INPP4B: variants seen among roughly 807,000 people sequenced by gnomAD.
The protein encoded by INPP4B is inositol polyphosphate 4-phosphatase type II.
Under a neutral mutation model 122.5 loss-of-function variants are expected in INPP4B, and 55 were observed. The observed-to-expected ratio is 0.45, with a 90% confidence interval of 0.36 to 0.56. The LOEUF (loss-of-function observed/expected upper bound fraction) is 0.56. Among genes scored for constraint, INPP4B ranks in the 20% least tolerant of loss-of-function variants. INPP4B has a pLI of 0.00. For synonymous variants in INPP4B, 403 were observed against 388.7 expected, an observed-to-expected ratio of 1.04 and a Z score of -0.43; for missense variants, 1,000 against 1,097.7, an observed-to-expected ratio of 0.91 and a Z score of 1.26.
chr4:142,577,348 G>A (rs1230388573), intron 2 of INPP4B, among the ~76,000 whole-genome samples: 1 of 151,960 alleles, frequency 6.6e-6, no homozygotes, highest in Non-Finnish European at 1.5e-5. Context: ...ATTAGGAAGA[G>A]ATACTCAGTA....
At chr4:142,115,623 T>C (rs1578955097) in intron 21 of INPP4B, among the ~76,000 whole-genome samples, 1 of 152,140 alleles carries the variant, frequency 6.6e-6, no homozygotes, top group African/African-American at 2.4e-5. Flanking sequence ...AGAGATTTTG[T>C]CACCACCAGG....
intron 2 of INPP4B, among the ~76,000 whole-genome samples, chr4:142,668,730 T>C (rs1356570347): frequency 1.3e-5 from 2 of 152,066 alleles, no homozygotes; most frequent in Admixed American, 6.6e-5. Context: ...AGAAATCAAT[T>C]GTATTTATAA....
At chr4:142,428,608 T>C (rs770707007) in intron 5 of INPP4B, among the ~76,000 whole-genome samples, 33 of 152,022 alleles carry the variant, frequency 2.2e-4, no homozygotes, top group Non-Finnish European at 3.8e-4. Context: ...ATGCACACTT[T>C]TAATTCATCC....
At chr4:142,067,024 C>T (rs1430724159) in intron 25 of INPP4B, among the ~76,000 whole-genome samples, 2 of 152,198 alleles carry the variant, frequency 1.3e-5, no homozygotes, top group Non-Finnish European at 1.5e-5. Context: ...AGACTGCCTC[C>T]TCTAGTGGGT....
intron 1 of INPP4B, among the ~76,000 whole-genome samples, chr4:142,738,367 C>A (rs1239306009): frequency 1.3e-5 from 2 of 152,004 alleles, no homozygotes; most frequent in Admixed American, 6.6e-5. Flanking sequence ...GGACAAAAAA[C>A]CAAACACCGC....
At chr4:142,822,312 C>T (rs2151156778) in intron 1 of INPP4B, among the ~76,000 whole-genome samples, 1 of 152,304 alleles carries the variant, frequency 6.6e-6, no homozygotes, top group African/African-American at 2.4e-5. Flanking sequence ...ACTCCCATTT[C>T]ACAGATGAGG....
intron 2 of INPP4B, among the ~76,000 whole-genome samples, chr4:142,652,176 C>T (rs1287574819): frequency 3.3e-5 from 5 of 152,164 alleles, no homozygotes; most frequent in African/African-American, 1.2e-4. Context: ...GACAGCCCTT[C>T]ATGCTAAAAA....
At position 142,260,578 on chromosome 4, in the gene INPP4B, TAA is replaced by T. The variant is rs370828434; in HGVS notation, c.616-16_616-15del. ...TACCAGGGCACACTAGGAAAAAATG[TAA>T]AAAAAAAAAAAAAATTTTGAGAACA... On this transcript the variant is annotated splice_polypyrimidine_tract_variant and intron_variant, in intron 10 of 25. Transcript: ENST00000262992. 6.1e-4 allele frequency: 655 copies of T among 1,081,852 alleles called. No homozygotes were observed. The highest frequency in any genetic ancestry group is 1.4e-3 in the Middle Eastern group (6 of 4,152). 67.0% of individuals were successfully genotyped at this position (1,081,852 alleles called of 1,614,324 possible).
At chr4:142,419,636 G>A (rs1806449387) in intron 5 of INPP4B, among the ~76,000 whole-genome samples, 1 of 152,104 alleles carries the variant, frequency 6.6e-6, no homozygotes, top group African/African-American at 2.4e-5. Flanking sequence ...CATTGCCTTT[G>A]CCAACTACAA....
chr4:142,270,129 G>A lies in INPP4B; in HGVS notation c.615+534C>T, dbSNP rs147030638. 1.9e-4 allele frequency among the ~76,000 whole-genome samples: 29 copies of A among 152,232 alleles called. 1 individual carries two copies. In the East Asian group the frequency reaches 3.7e-3, roughly 19 times the overall value. Reference sequence around the variant, plus strand: ...GTTTCAGGAAGCAGCTTCTCCTTCCGTTGCCATTGTCCCTCCTCCAGAGCT... The same window carrying A: ...GTTTCAGGAAGCAGCTTCTCCTTCCATTGCCATTGTCCCTCCTCCAGAGCT... On this transcript the variant is annotated intron_variant, in intron 10 of 25. Coordinates refer to ENST00000262992, the MANE Select transcript of INPP4B (RefSeq NM_001101669.3).
At chr4:142,264,318 C>T (rs141481637) in intron 10 of INPP4B, among the ~76,000 whole-genome samples, 3 of 152,182 alleles carry the variant, frequency 2.0e-5, no homozygotes, top group African/African-American at 4.8e-5. Flanking sequence ...AAGGTGCAGT[C>T]AACAGGATTT....
intron 15 of INPP4B, among the ~76,000 whole-genome samples, chr4:142,185,337 T>G (rs978979430): frequency 6.6e-6 from 1 of 151,784 alleles, no homozygotes; most frequent in African/African-American, 2.4e-5. Flanking sequence ...ATGGAAGATA[T>G]GAGTAAAGTG....
chr4:142,603,371 C>T (rs778972973), intron 2 of INPP4B, among the ~76,000 whole-genome samples: 1 of 151,612 alleles, frequency 6.6e-6, no homozygotes, highest in East Asian at 1.9e-4. Flanking sequence ...TGCACATATA[C>T]CCCAAACTTA....
intron 1 of INPP4B, among the ~76,000 whole-genome samples, chr4:142,779,387 AT>A (rs1257079553): frequency 6.6e-6 from 1 of 152,130 alleles, no homozygotes; most frequent in Non-Finnish European, 1.5e-5. Flanking sequence ...CCTTCACATG[AT>A]TTGGAGTTTA....
intron 21 of INPP4B, among the ~76,000 whole-genome samples, chr4:142,117,914 T>C (rs1578965766): frequency 6.6e-6 from 1 of 152,014 alleles, no homozygotes. Flanking sequence ...AGCCCAAAAT[T>C]TCCTTAAGCT....
At chr4:142,358,822 T>TA (rs1356202120) in intron 7 of INPP4B, among the ~76,000 whole-genome samples, 2 of 151,924 alleles carry the variant, frequency 1.3e-5, no homozygotes, top group African/African-American at 2.4e-5. Flanking sequence ...TGGGAAGCTG[T>TA]ATGCTTAACA....
At chr4:142,459,040 G>A (rs1057363378) in intron 3 of INPP4B, among the ~76,000 whole-genome samples, 10 of 152,318 alleles carry the variant, frequency 6.6e-5, no homozygotes, top group Non-Finnish European at 1.0e-4. Context: ...TCATATGGCT[G>A]CAGCCTGGTG....
intron 11 of INPP4B, among the ~76,000 whole-genome samples, chr4:142,244,403 C>A (rs1726804196): frequency 6.7e-6 from 1 of 148,998 alleles, no homozygotes; most frequent in Non-Finnish European, 1.5e-5. Context: ...AGGTTCACGT[C>A]ATTCTCCTGC....
chr4:142,769,341 C>G (rs1207478075), intron 1 of INPP4B, among the ~76,000 whole-genome samples: 1 of 152,122 alleles, frequency 6.6e-6, no homozygotes, highest in East Asian at 1.9e-4. Context: ...AGAGAGGTCC[C>G]CACGATGCTC....
Sources: allele counts gnomAD v4.1 joint callset (sites outside exome capture counted in the v4.1 genomes callset), GRCh38; gene constraint gnomAD v4.1.1; transcripts MANE v1.5; gene names NCBI Gene and HGNC (gene_info 2026-07-23, HGNC 2026-07-21).